CNBD1: variants seen among roughly 807,000 people sequenced by gnomAD.
CNBD1 encodes cyclic nucleotide binding domain containing 1, also known as cyclic nucleotide-binding domain-containing protein 1.
Under a neutral mutation model 54.4 loss-of-function variants are expected in CNBD1, and 71 were observed. That is an observed-to-expected ratio of 1.30 (90% confidence interval 1.08 to 1.59). The LOEUF is 1.59. CNBD1 is among the 40% of genes most tolerant of loss of function. The probability of loss-of-function intolerance (pLI) is 0.00; values close to 1 mark genes in which losing one functional copy is unlikely to be tolerated. For missense variants in CNBD1, 659 were observed against 518.0 expected (o/e 1.27, Z -2.64); for synonymous variants, 182 against 170.7 (o/e 1.07, Z -0.51).
At chr8:87,350,937 G>T (rs1279175016) in intron 8 of CNBD1, among the ~76,000 whole-genome samples, 1 of 151,964 alleles carries the variant, frequency 6.6e-6, no homozygotes, top group African/African-American at 2.4e-5. Flanking sequence ...AATGTATCTT[G>T]GCCTTAGAGT....
At chr8:87,146,172 A>G (rs1563486424) in intron 4 of CNBD1, among the ~76,000 whole-genome samples, 3 of 152,102 alleles carry the variant, frequency 2.0e-5, no homozygotes, top group Non-Finnish European at 4.4e-5. Context: ...TACAATTATA[A>G]TTATAGACTT....
At chr8:87,356,437 G>A (rs1210084223) in intron 10 of CNBD1, among the ~76,000 whole-genome samples, 1 of 152,168 alleles carries the variant, frequency 6.6e-6, no homozygotes, top group East Asian at 1.9e-4. Flanking sequence ...GGAATAAAGT[G>A]TATCCTTGCT....
intron 4 of CNBD1, among the ~76,000 whole-genome samples, chr8:87,001,527 G>T (rs770549659): frequency 2.0e-5 from 3 of 151,970 alleles, no homozygotes; most frequent in Non-Finnish European, 4.4e-5. Flanking sequence ...GTCTTTTTAC[G>T]CTGTATTTGA....
intron 6 of CNBD1, among the ~76,000 whole-genome samples, chr8:87,277,024 T>C (rs1045281434): frequency 1.5e-4 from 22 of 151,592 alleles, no homozygotes; most frequent in Non-Finnish European, 2.9e-4. Context: ...AACTATTCAA[T>C]AGTTCCTTCT....
At chr8:86,893,898 C>T (rs180862805) in intron 2 of CNBD1, among the ~76,000 whole-genome samples, 12 of 151,954 alleles carry the variant, frequency 7.9e-5, no homozygotes, top group African/African-American at 2.9e-4. Flanking sequence ...ATCTACTACT[C>T]CACTCTAGCT....
intron 6 of CNBD1, among the ~76,000 whole-genome samples, chr8:87,276,289 C>T (rs1312035986): frequency 6.6e-6 from 1 of 151,688 alleles, no homozygotes; most frequent in Admixed American, 6.6e-5. Context: ...ATCCTTCTTT[C>T]AGTTTTTATT....
chr8:87,119,645 T>A lies in CNBD1; in HGVS notation c.432-86348T>A, dbSNP rs1811851093. On this transcript the variant is annotated intron_variant, in intron 4 of 10. Transcript: ENST00000518476. ...GAATAGGAGTGGTGAAGGTGGACAT[T>A]GTTGTCTTGTTCCAGTCCTTAGAGG... Among the ~76,000 whole-genome samples the A allele has an allele frequency of 2.0e-5, 3 of 152,002 alleles. No homozygotes were observed. In the South Asian group the frequency reaches 6.2e-4, roughly 31 times the overall value.
At chr8:87,277,149 G>T (rs1161326806) in intron 6 of CNBD1, among the ~76,000 whole-genome samples, 1 of 151,456 alleles carries the variant, frequency 6.6e-6, no homozygotes, top group Non-Finnish European at 1.5e-5. Flanking sequence ...TAATTATGGA[G>T]GCTGGCAAGT....
At chr8:86,904,265 A>AT (rs1808982485) in intron 2 of CNBD1, among the ~76,000 whole-genome samples, 2 of 152,150 alleles carry the variant, frequency 1.3e-5, no homozygotes, top group South Asian at 2.1e-4. Context: ...AAGTATGATA[A>AT]TTTTTTATAA....
chr8:86,948,101 G>T (rs185774238), intron 4 of CNBD1, among the ~76,000 whole-genome samples: 1 of 152,006 alleles, frequency 6.6e-6, no homozygotes, highest in South Asian at 2.1e-4. Context: ...TCATTATTAC[G>T]TATGGATGAA....
chr8:87,211,786 A>G (rs1421836537), intron 5 of CNBD1, among the ~76,000 whole-genome samples: 1 of 152,190 alleles, frequency 6.6e-6, no homozygotes, highest in African/African-American at 2.4e-5. Flanking sequence ...TTTTCTTTAT[A>G]AATGACCCAG....
At chr8:87,415,153 C>G (rs1264309299) in intron 2 of CNBD1, among the ~76,000 whole-genome samples, 1 of 152,098 alleles carries the variant, frequency 6.6e-6, no homozygotes, top group African/African-American at 2.4e-5. Context: ...TTTCTGCATT[C>G]TGCACCTGCT....
chr8:87,060,685 A>G lies in CNBD1; in HGVS notation c.431+120931A>G, dbSNP rs185368856. Among the ~76,000 whole-genome samples the G allele has an allele frequency of 1.4e-3, 220 of 152,296 alleles. 1 individual carries two copies. Among genetic ancestry groups the G allele is most frequent in the Middle Eastern group, 0.01 (3 of 294 alleles). On this transcript the variant is annotated intron_variant, in intron 4 of 10. Transcript: ENST00000518476. Reference sequence around the variant, plus strand: ...AGAGTGATAAAAATAGGTCAGAGAGAAAAAGCCTACATGAATATTTAAAAA... The same window carrying G: ...AGAGTGATAAAAATAGGTCAGAGAGGAAAAGCCTACATGAATATTTAAAAA...
intron 6 of CNBD1, among the ~76,000 whole-genome samples, chr8:87,252,786 CAATT>C (rs1807937602): frequency 1.3e-5 from 2 of 152,018 alleles, no homozygotes; most frequent in Non-Finnish European, 2.9e-5. Context: ...GAGTTAGTCT[CAATT>C]AAAGTGCTAA....
chr8:87,406,447 TACACACACACACACAC>T (rs36222951), intron 2 of CNBD1, among the ~76,000 whole-genome samples: 1 of 122,166 alleles, frequency 8.2e-6, no homozygotes, highest in Non-Finnish European at 1.6e-5. Context: ...TATGTGTGTA[TACACACACACACACAC>T]ACACACACAC....
At chr8:87,381,919 T>C (rs1440155617) in intron 10 of CNBD1, among the ~76,000 whole-genome samples, 1 of 151,968 alleles carries the variant, frequency 6.6e-6, no homozygotes, top group Non-Finnish European at 1.5e-5. Context: ...TCTATGGATC[T>C]GCTGTACAAC....
chr8:87,424,746 C>G (rs1436716197), intron 2 of CNBD1, among the ~76,000 whole-genome samples: 1 of 152,100 alleles, frequency 6.6e-6, no homozygotes, highest in African/African-American at 2.4e-5. Flanking sequence ...CTCTGGCTGC[C>G]CTTAACCTTT....
intron 10 of CNBD1, among the ~76,000 whole-genome samples, chr8:87,372,935 A>T (rs1410129954): frequency 6.6e-6 from 1 of 151,706 alleles, no homozygotes; most frequent in East Asian, 1.9e-4. Flanking sequence ...TACCTAAGTA[A>T]ACTCCTGTGA....
chr8:86,890,003 A>AT (rs950144482), intron 2 of CNBD1, among the ~76,000 whole-genome samples: 21 of 152,200 alleles, frequency 1.4e-4, no homozygotes, highest in Admixed American at 1.4e-3. Context: ...AATTATATAC[A>AT]TTTTTGTGAT....
Sources: gnomAD v4.1 joint callset for allele counts (sites outside exome capture counted in the v4.1 genomes callset) on GRCh38, gnomAD v4.1.1 for gene constraint, MANE v1.5 for transcripts, NCBI Gene and HGNC (gene_info 2026-07-23, HGNC 2026-07-21) for gene names.